Variants in CFAP47 observed in about 807,000 individuals in gnomAD.
CFAP47 encodes cilia- and flagella-associated protein 47.
A neutral mutation model predicts 148.1 loss-of-function variants in CFAP47; 29 were observed. The ratio of observed to expected loss-of-function variants is 0.20; its 90% CI spans 0.15 to 0.27. The LOEUF is 0.27. Ranked by LOEUF, CFAP47 falls within the 10% of genes least tolerant of loss-of-function variation. CFAP47 has a pLI of 1.00. For synonymous variants in CFAP47, 664 were observed against 577.3 expected (o/e 1.15, Z -2.15); for missense variants, 1,872 against 1,697.5 (o/e 1.10, Z -1.81).
At chrX:36,263,572 C>A in intron 49 of CFAP47, among the ~76,000 whole-genome samples, 1 of 112,069 alleles carries the variant, frequency 8.9e-6, no homozygotes, top group Non-Finnish European at 1.9e-5. Context: ...AAAACCACTG[C>A]AGGCCATGAG....
chrX:36,321,713 T>C (rs1941480671), intron 57 of CFAP47, among the ~76,000 whole-genome samples: 1 of 111,835 alleles, frequency 8.9e-6, no homozygotes, highest in African/African-American at 3.2e-5. Flanking sequence ...GTATGGTTAA[T>C]GTATGAATAA....
At chrX:36,102,610 G>T (rs966201658) in intron 32 of CFAP47, among the ~76,000 whole-genome samples, 2 of 110,603 alleles carry the variant, frequency 1.8e-5, no homozygotes, top group African/African-American at 6.6e-5. Context: ...CTTAGTCAAG[G>T]GTCACTTGCA....
At chrX:36,236,325 A>C (rs1940465340) in intron 47 of CFAP47, among the ~76,000 whole-genome samples, 1 of 112,329 alleles carries the variant, frequency 8.9e-6, no homozygotes, top group Non-Finnish European at 1.9e-5. Context: ...CAACATGCTG[A>C]ACAAAGTAAG....
intron 39 of CFAP47, among the ~76,000 whole-genome samples, chrX:36,174,439 C>T (rs1181163833): frequency 1.0e-4 from 11 of 110,021 alleles, no homozygotes; most frequent in South Asian, 8.0e-4. Flanking sequence ...CAGCTGGTAC[C>T]GGTTGTTCCT....
chrX:35,953,574 A>G lies in CFAP47; in HGVS notation c.1047-18A>G, dbSNP rs1371656751. 2 of 1,162,501 alleles carry G rather than the reference A, an allele frequency of 1.7e-6. No individual in the cohort carries two copies. ...ATCAACTTTGCTTTAAAAATAACTC[A>G]TTGTGATTTTTTTACAGGCTAATGG... On this transcript the variant is annotated intron_variant, in intron 6 of 63. Transcript: ENST00000378653.
At chrX:36,234,645 C>G (rs1327829696) in intron 46 of CFAP47, among the ~76,000 whole-genome samples, 1 of 112,349 alleles carries the variant, frequency 8.9e-6, no homozygotes, top group Non-Finnish European at 1.9e-5. Flanking sequence ...CAGCTTTGTT[C>G]CATTGCTGGT....
intron 1 of CFAP47, among the ~76,000 whole-genome samples, chrX:35,923,377 T>G (rs1347464914): frequency 9.0e-6 from 1 of 111,591 alleles, no homozygotes; most frequent in Non-Finnish European, 1.9e-5. Flanking sequence ...ATAATAGATA[T>G]TATTTCTCTT....
intron 37 of CFAP47, among the ~76,000 whole-genome samples, chrX:36,154,714 C>A (rs1939346602): frequency 9.1e-6 from 1 of 110,457 alleles, no homozygotes; most frequent in Non-Finnish European, 1.9e-5. Flanking sequence ...TAGGTAATTT[C>A]TAAGAATGTT....
intron 62 of CFAP47, among the ~76,000 whole-genome samples, chrX:36,372,130 AT>A (rs1376969236): frequency 9.3e-6 from 1 of 108,089 alleles, no homozygotes; most frequent in Admixed American, 1.0e-4. Flanking sequence ...ACCCTCTCTA[AT>A]TCATTAACAC....
At chrX:36,374,349 T>C (rs1212410914) in intron 62 of CFAP47, among the ~76,000 whole-genome samples, 1 of 111,161 alleles carries the variant, frequency 9.0e-6, no homozygotes. Context: ...ATAATAGTCA[T>C]TATGTTCCTT....
chrX:36,350,511 G>A (rs1420015898), intron 59 of CFAP47, among the ~76,000 whole-genome samples: 1 of 110,534 alleles, frequency 9.0e-6, no homozygotes, highest in Non-Finnish European at 1.9e-5. Context: ...GAACTATGCT[G>A]TGGAGATGTG....
At chrX:36,114,837 C>T (rs765491842) in intron 33 of CFAP47, among the ~76,000 whole-genome samples, 1 of 111,355 alleles carries the variant, frequency 9.0e-6, no homozygotes, top group East Asian at 2.8e-4. Context: ...CTAATTTATA[C>T]GTGCCAGCAG....
At chrX:36,010,559 A>G (rs1242681667) in intron 21 of CFAP47, among the ~76,000 whole-genome samples, 1 of 106,913 alleles carries the variant, frequency 9.4e-6, no homozygotes, top group East Asian at 2.9e-4. Context: ...CCGGGTTCAC[A>G]CCATTCTGCC....
intron 51 of CFAP47, among the ~76,000 whole-genome samples, chrX:36,297,470 A>T (rs1209262225): frequency 8.9e-6 from 1 of 112,498 alleles, no homozygotes; most frequent in Admixed American, 9.5e-5. Flanking sequence ...AGGTTAAAAC[A>T]TTTAGGCAAC....
intron 31 of CFAP47, among the ~76,000 whole-genome samples, chrX:36,099,241 G>T (rs1366403615): frequency 1.8e-5 from 2 of 111,206 alleles, no homozygotes; most frequent in Non-Finnish European, 3.8e-5. Context: ...TTCGTTTTCA[G>T]GGGAAAATAG....
chrX:36,194,706 A>G (rs1440789744), intron 42 of CFAP47, among the ~76,000 whole-genome samples: 1 of 111,482 alleles, frequency 9.0e-6, no homozygotes, highest in Non-Finnish European at 1.9e-5. Flanking sequence ...GCGGTGCTAC[A>G]CACTTTGAAA....
intron 22 of CFAP47, among the ~76,000 whole-genome samples, chrX:36,018,656 A>G (rs1937124067): frequency 8.9e-6 from 1 of 112,362 alleles, no homozygotes; most frequent in Admixed American, 9.4e-5. Flanking sequence ...ATTGATTTAC[A>G]TATATTATTC....
intron 48 of CFAP47, among the ~76,000 whole-genome samples, chrX:36,244,374 GAATT>G (rs1555996635): frequency 9.0e-6 from 1 of 110,782 alleles, no homozygotes; most frequent in East Asian, 2.8e-4. Context: ...ATAAAAGAAA[GAATT>G]AAAATTAGAG....
At chrX:36,113,394 T>C in intron 33 of CFAP47, among the ~76,000 whole-genome samples, 1 of 111,931 alleles carries the variant, frequency 8.9e-6, no homozygotes, top group Non-Finnish European at 1.9e-5. Context: ...TTCTTCTCTT[T>C]ATGAATATTG....
Sources: allele counts gnomAD v4.1 joint callset (sites outside exome capture counted in the v4.1 genomes callset), GRCh38; gene constraint gnomAD v4.1.1; transcripts MANE v1.5; gene names NCBI Gene and HGNC (gene_info 2026-07-23, HGNC 2026-07-21).